Variants in CACNA1F observed in about 807,000 individuals in gnomAD.
The protein encoded by CACNA1F is voltage-dependent L-type calcium channel subunit alpha-1F.
CACNA1F carries 59 observed loss-of-function variants against 143.8 expected under a neutral mutation model. The observed-to-expected ratio is 0.41, with a 90% CI of 0.33 to 0.51. CACNA1F has a LOEUF of 0.51. CACNA1F is among the 20% of genes least tolerant of loss of function. The probability of loss-of-function intolerance (pLI) is 0.22; values close to 1 mark genes in which losing one functional copy is unlikely to be tolerated. For synonymous variants in CACNA1F, 643 were observed against 649.1 expected (o/e 0.99, Z 0.14); for missense variants, 1,411 against 1,647.5 (o/e 0.86, Z 2.48).
intron 46 of CACNA1F, 63 bp from the exon 47 acceptor site, chrX:49,205,876 C>A: frequency 1.0e-6 from 1 of 967,339 alleles, no homozygotes. Context: ...GTCTAGGACT[C>A]ACCGCTGTGC....
chrX:49,212,938 A>T (rs1557106619), intron 32 of CACNA1F, 36 bp downstream of exon 32: 1 of 1,195,173 alleles, frequency 8.4e-7, no homozygotes, highest in South Asian at 1.8e-5. Context: ...GACATGGGAA[A>T]AGAAGCAGAG....
At chrX:49,230,155 G>T (rs1462436409) in intron 6 of CACNA1F, 65 bp downstream of exon 6, 49 of 1,010,920 alleles carry the variant, frequency 4.8e-5, no homozygotes, top group Non-Finnish European at 6.4e-5. Flanking sequence ...TTCCCTGAGT[G>T]CAGCATTGGA....
At chrX:49,222,430 A>T in intron 17 of CACNA1F, 92 bp downstream of exon 17, 1 of 671,332 alleles carries the variant, frequency 1.5e-6, no homozygotes, top group Non-Finnish European at 2.4e-6. Context: ...TACCAGGGTG[A>T]CTAGAGGCAT....
chrX:49,209,325 C>T lies in CACNA1F; in HGVS notation c.4890G>A (p.Glu1630=). 1 of 1,206,632 alleles carries T rather than the reference C, an allele frequency of 8.3e-7. No homozygotes were observed. The highest frequency in any genetic ancestry group is 1.8e-5 in the South Asian group (1 of 56,468). The change falls in exon 42 of 48, where the codon GAG becomes GAA. Residue 1630 remains glutamate, a synonymous_variant. Transcript: ENST00000323022. The stretch of plus-strand genomic sequence containing the variant: ...CTCCCTCCTGCCCCTCTTCTTCCTC[C>T]TCCTCTGTGTCACAGGTGAGGGCCT... ...MRQALTCDTE[E]EEEEGQEGVE...
At chrX:49,226,740 G>A (rs1186055882) in intron 9 of CACNA1F, 38 bp from the exon 10 acceptor site, 1 of 1,108,767 alleles carries the variant, frequency 9.0e-7, no homozygotes, top group East Asian at 3.3e-5. Flanking sequence ...AGGACATACT[G>A]GGGGCAGGGT....
chrX:49,228,125 C>T lies in CACNA1F; in HGVS notation c.1029G>A (p.Met343Ile). ...TDVLYWMQDAMGYELPWVYFV... is the reference protein window; with the variant it reads ...TDVLYWMQDAIGYELPWVYFV... ...AGTACACCCAGGGCAGTTCATACCC[C>T]ATGGCATCTTGCATCTGGGGAGAGA... is the stretch of plus-strand genomic sequence containing the variant. The change falls in exon 8 of 48, where the codon ATG becomes ATA. Residue 343 changes from methionine (M) to isoleucine (I), a missense_variant. Coordinates refer to ENST00000323022, the MANE Select transcript of CACNA1F (RefSeq NM_001256789.3). 8.3e-7 allele frequency: 1 copy of T among 1,207,064 alleles called. No homozygotes were observed. Among genetic ancestry groups the T allele is most frequent in the Non-Finnish European group, 1.1e-6 (1 of 891,141 alleles).
intron 6 of CACNA1F, among the ~76,000 whole-genome samples, chrX:49,228,731 A>C (rs972218174): frequency 4.5e-5 from 5 of 111,505 alleles, no homozygotes; most frequent in Admixed American, 9.5e-5. Context: ...CGCCCGGCTA[A>C]TTTTTTTTGT....
At position 49,222,634 on chromosome X, in the gene CACNA1F, G is replaced by A. The variant is rs782445325; in HGVS notation, c.2207-31C>T. On this transcript the variant is annotated intron_variant, in intron 16 of 47. Coordinates refer to ENST00000323022, the MANE Select transcript of CACNA1F (RefSeq NM_001256789.3). ...ATGAGCTTAGGCTGCAAAGGATGGA[G>A]AAGCACCCTGCCTATAGACCACCCA... 7 of 1,202,835 alleles carry A rather than the reference G, an allele frequency of 5.8e-6. No homozygotes were observed. In the South Asian group the frequency reaches 1.2e-4, roughly 21 times the overall value.
At position 49,215,411 on chromosome X, in the gene CACNA1F, G is replaced by A. The variant is rs898919905; in HGVS notation, c.3369C>T (p.Gly1123=). ...GGGCACGGAAAGTGATGATGACGAA[G>A]CCCACGAAGATGTTCATCATGAAGA... The part of the protein sequence containing the change: ...IAFFMMNIFV[G]FVIITFRAQG... Residue 1123 remains glycine, a synonymous_variant, in exon 28 of 48, where the codon GGC becomes GGT. Coordinates refer to ENST00000323022, the MANE Select transcript of CACNA1F (RefSeq NM_001256789.3). 1 of 1,207,682 alleles carries A rather than the reference G, an allele frequency of 8.3e-7. No individual in the cohort carries two copies. Among genetic ancestry groups the A allele is most frequent in the African/African-American group, 1.8e-5 (1 of 56,779 alleles).
chrX:49,212,910 G>T, intron 32 of CACNA1F, 64 bp downstream of exon 32: 1 of 1,170,457 alleles, frequency 8.5e-7, no homozygotes, highest in Non-Finnish European at 1.2e-6. Flanking sequence ...GTAATCTGGA[G>T]GGATGGAGGG....
In CACNA1F at chrX:49,231,664, G is replaced by C. The variant is rs1196917086; in HGVS notation, c.275+14C>G. On this transcript the variant is annotated intron_variant, in intron 2 of 47. Coordinates refer to ENST00000323022, the MANE Select transcript of CACNA1F (RefSeq NM_001256789.3). ...ACCCTTACCCCTGGGCCCTGCCCCT[G>C]CCTTCCAGGATGCTTCCACTCCACG... is the stretch of plus-strand genomic sequence containing the variant. The C allele has an allele frequency of 2.5e-6, 3 of 1,209,646 alleles. No homozygotes were observed. The African/African-American group carries it at 5.2e-5, about 21-fold the overall frequency.
chrX:49,215,318 AG>A (rs2065700598), intron 28 of CACNA1F, 23 bp downstream of exon 28: 2 of 1,202,127 alleles, frequency 1.7e-6, no homozygotes, highest in East Asian at 3.0e-5. Flanking sequence ...GACCATCCAT[AG>A]GGGGTCAGGG....
At chrX:49,210,199 A>T in intron 39 of CACNA1F, 102 bp downstream of exon 39, 1 of 708,305 alleles carries the variant, frequency 1.4e-6, no homozygotes, top group Non-Finnish European at 2.3e-6. Flanking sequence ...GAATCCTGTC[A>T]CCCATTCTGG....
In CACNA1F at chrX:49,206,580, G is replaced by A. The variant is rs911948154; in HGVS notation, c.5403C>T (p.Gly1801=). The change falls in exon 46 of 48, where the codon GGC becomes GGT. Residue 1801 remains glycine, a synonymous_variant. Transcript: ENST00000323022. ...SFTIQCLQRQ[G]SCEDLPIPGT... ...CTGGGATGGGTAAATCCTCACAACT[G>A]CCCTGGCGCTGCAGACACTGGATGG... The A allele has an allele frequency of 8.3e-7, 1 of 1,208,207 alleles. No individual in the cohort carries two copies. The highest frequency in any genetic ancestry group is 1.8e-5 in the African/African-American group (1 of 56,714).
At chrX:49,228,524 AG>A in intron 6 of CACNA1F, 77 bp from the exon 7 acceptor site, 1 of 792,834 alleles carries the variant, frequency 1.3e-6, no homozygotes, top group Non-Finnish European at 1.9e-6. Flanking sequence ...CCGCCCACTT[AG>A]GAAGCTCGAC....
chrX:49,217,328 T>G (rs1294456378), intron 26 of CACNA1F, among the ~76,000 whole-genome samples: 3 of 113,047 alleles, frequency 2.7e-5, no homozygotes, highest in Non-Finnish European at 5.6e-5. Context: ...GCTCATTTAC[T>G]CTTCACAACA....
chrX:49,222,797 A>G lies in CACNA1F; in HGVS notation c.2127T>C (p.Gly709=), dbSNP rs1026354351. Reference sequence around the variant, plus strand: ...AGAAGGGGCCACCATATGCCATGATACCATCATACATGACCACGTTCCAGT... The same window carrying G: ...AGAAGGGGCCACCATATGCCATGATGCCATCATACATGACCACGTTCCAGT... The part of the protein sequence containing the change: ...GEDWNVVMYD[G]IMAYGGPFFP... Residue 709 remains glycine, a synonymous_variant, in exon 16 of 48, where the codon GGT becomes GGC. Coordinates refer to ENST00000323022, the MANE Select transcript of CACNA1F (RefSeq NM_001256789.3). 1 of 1,210,405 alleles carries G rather than the reference A, an allele frequency of 8.3e-7. No individual in the cohort carries two copies. The highest frequency in any genetic ancestry group is 1.1e-6 in the Non-Finnish European group (1 of 894,526).
At chrX:49,213,988 G>T (rs1055969427) in intron 30 of CACNA1F, 86 bp from the exon 31 acceptor site, 25 of 713,359 alleles carry the variant, frequency 3.5e-5, no homozygotes, top group Admixed American at 1.5e-4. Flanking sequence ...GGCGCCGGAG[G>T]GGGGCAGGGC....
Position 49,211,112 on chromosome X carries a change from G to A in CACNA1F, c.4261-20C>T, listed in dbSNP as rs1557106141. 4.1e-6 allele frequency: 5 copies of A among 1,205,468 alleles called. No individual in the cohort carries two copies. On this transcript the variant is annotated intron_variant, in intron 36 of 47. Coordinates refer to ENST00000323022, the MANE Select transcript of CACNA1F (RefSeq NM_001256789.3). ...TATGATCTGTGGGCCAGTGAGCAAG[G>A]GAGCAGTTAGGTGAAGGGCAGAACA... is the stretch of plus-strand genomic sequence containing the variant.
Sources: allele counts gnomAD v4.1 joint callset (sites outside exome capture counted in the v4.1 genomes callset), GRCh38; gene constraint gnomAD v4.1.1; transcripts MANE v1.5; gene names NCBI Gene and HGNC (gene_info 2026-07-23, HGNC 2026-07-21).